PKHD1L1: variants seen among roughly 807,000 people sequenced by gnomAD.
The protein encoded by PKHD1L1 is PKHD1 like 1, also known as fibrocystin-L.
Under a neutral mutation model 462.9 loss-of-function variants are expected in PKHD1L1, and 434 were observed. The observed-to-expected ratio is 0.94, with a 90% confidence interval of 0.87 to 1.02. PKHD1L1 has a LOEUF of 1.02. Ranked by LOEUF, PKHD1L1 falls within the 50% of genes least tolerant of loss-of-function variation. PKHD1L1 has a pLI of 0.00. For synonymous variants in PKHD1L1, 1,781 were observed against 1,750.0 expected, an observed-to-expected ratio of 1.02 and a Z score of -0.44; for missense variants, 5,202 against 5,096.1, an observed-to-expected ratio of 1.02 and a Z score of -0.63.
At chr8:109,497,678 G>A (rs946240947) in intron 65 of PKHD1L1, among the ~76,000 whole-genome samples, 2 of 151,970 alleles carry the variant, frequency 1.3e-5, no homozygotes, top group Non-Finnish European at 2.9e-5. Flanking sequence ...CGCCCACATC[G>A]GCCTCACAAA....
chr8:109,465,346 T>C, intron 49 of PKHD1L1, 101 bp downstream of exon 49: 1 of 1,222,890 alleles, frequency 8.2e-7, no homozygotes, highest in Non-Finnish European at 1.1e-6. Flanking sequence ...TTACAGATCT[T>C]ACCCAATAGC....
At chr8:109,430,229 A>G (rs987346210) in intron 27 of PKHD1L1, among the ~76,000 whole-genome samples, 192 bp downstream of exon 27, 1 of 151,378 alleles carries the variant, frequency 6.6e-6, no homozygotes, top group African/African-American at 2.4e-5. Flanking sequence ...TTTATTTTTG[A>G]AAAAAAAATA....
chr8:109,450,896 A>G, intron 40 of PKHD1L1, 79 bp from the exon 41 acceptor site: 1 of 1,340,282 alleles, frequency 7.5e-7, no homozygotes, highest in Non-Finnish European at 1.0e-6. Flanking sequence ...GGAAGATGTT[A>G]TTGAAAATGT....
chr8:109,445,353 C>A lies in PKHD1L1; in HGVS notation c.5484C>A (p.Val1828=). Residue 1828 remains valine, a synonymous_variant, in exon 38 of 78, where the codon GTC becomes GTA. Coordinates refer to ENST00000378402, the MANE Select transcript of PKHD1L1 (RefSeq NM_177531.6). ...SKGLALGNLT[V]SSPPVASLSP... The stretch of plus-strand genomic sequence containing the variant: ...GCTTGGCTCTGGGAAACCTGACTGT[C>A]AGCAGCCCCCCAGTAGCATCTCTAT... 6.2e-7 allele frequency: 1 copy of A among 1,613,960 alleles called. No individual in the cohort carries two copies. The highest frequency in any genetic ancestry group is 1.3e-5 in the African/African-American group (1 of 75,042).
At position 109,442,215 on chromosome 8, in the gene PKHD1L1, G is replaced by A. The variant is rs2130743769; in HGVS notation, c.4393+20G>A. 1 of 1,580,418 alleles carries A rather than the reference G, an allele frequency of 6.3e-7. No homozygotes were observed. The highest frequency in any genetic ancestry group is 8.6e-7 in the Non-Finnish European group (1 of 1,164,534). On this transcript the variant is annotated intron_variant, in intron 35 of 77. Coordinates refer to ENST00000378402, the MANE Select transcript of PKHD1L1 (RefSeq NM_177531.6). ...CATCAGGTATGTTTCTGCTTATTGG[G>A]TTTTGCATCATGTCACTTTTTCCTA...
intron 56 of PKHD1L1, among the ~76,000 whole-genome samples, chr8:109,482,505 A>G (rs771632612): frequency 5.9e-5 from 9 of 151,892 alleles, no homozygotes; most frequent in Admixed American, 1.3e-4. Context: ...TATTACATAT[A>G]CTGATTTGTG....
intron 2 of PKHD1L1, among the ~76,000 whole-genome samples, chr8:109,379,200 A>G (rs1294187995): frequency 6.6e-6 from 1 of 152,172 alleles, no homozygotes; most frequent in African/African-American, 2.4e-5. Context: ...CTTCTCAGTG[A>G]CAAGTTGATT....
In PKHD1L1 at chr8:109,459,662, C is replaced by T. The variant is rs758399479; in HGVS notation, c.7072C>T (p.Leu2358=). 6.2e-7 allele frequency: 1 copy of T among 1,607,426 alleles called. No individual in the cohort carries two copies. Among genetic ancestry groups the T allele is most frequent in the South Asian group, 1.1e-5 (1 of 89,782 alleles). ...GTCTGCTGATGGCATAAACATAACA[C>T]TAAGTAACCCACTAAATTACACACA... ...SVSADGINIT[L]SNPLNYTHLG... The change falls in exon 47 of 78, where the codon CTA becomes TTA. Residue 2358 remains leucine (L), a synonymous_variant. Transcript: ENST00000378402.
In PKHD1L1 at chr8:109,380,109, T is replaced by C. The variant is rs576769119; in HGVS notation, c.164-1261T>C. Among the ~76,000 whole-genome samples, 3 of 152,300 alleles carry C rather than the reference T, an allele frequency of 2.0e-5. No individual in the cohort carries two copies. In the East Asian group the frequency reaches 5.8e-4, roughly 29 times the overall value. On this transcript the variant is annotated intron_variant, in intron 2 of 77. Coordinates refer to ENST00000378402, the MANE Select transcript of PKHD1L1 (RefSeq NM_177531.6). ...TACAATGGCTGATAGCAAGGGGGCATGGTGAAAATTAATTATAGTTTTAGG... is the reference window on the plus strand; with the variant it reads ...TACAATGGCTGATAGCAAGGGGGCACGGTGAAAATTAATTATAGTTTTAGG...
chr8:109,386,688 A>G (rs1442653205), intron 6 of PKHD1L1, among the ~76,000 whole-genome samples: 2 of 152,190 alleles, frequency 1.3e-5, no homozygotes, highest in African/African-American at 4.8e-5. Flanking sequence ...ATATGTACAG[A>G]TTAGTAGAAG....
intron 18 of PKHD1L1, among the ~76,000 whole-genome samples, chr8:109,409,174 G>A (rs965800317): frequency 1.5e-4 from 23 of 152,056 alleles, no homozygotes; most frequent in Non-Finnish European, 2.9e-4. Flanking sequence ...TTGTGAATAT[G>A]TACTAATTTC....
Position 109,400,923 on chromosome 8 carries a change from C to T in PKHD1L1, c.1282-574C>T, listed in dbSNP as rs114459304. Among the ~76,000 whole-genome samples the T allele has an allele frequency of 3.7e-3, 560 of 152,024 alleles. 7 individuals carry two copies. The highest frequency in any genetic ancestry group is 0.013 in the African/African-American group (533 of 41,538). On this transcript the variant is annotated intron_variant, in intron 13 of 77. Coordinates refer to ENST00000378402, the MANE Select transcript of PKHD1L1 (RefSeq NM_177531.6). ...CAAATCAAAGTAACATTTTATGACT[C>T]AACTTATGTGGCAAGATTGCTTCCC...
chr8:109,439,162 G>T (rs1446305543), intron 32 of PKHD1L1, 70 bp downstream of exon 32: 6 of 1,381,626 alleles, frequency 4.3e-6, no homozygotes, highest in South Asian at 1.3e-5. Flanking sequence ...GATAGGAAAA[G>T]AAGTGGGCAT....
Position 109,454,227 on chromosome 8 carries a change from C to T in PKHD1L1, c.6725C>T (p.Thr2242Ile). The change falls in exon 44 of 78, where the codon ACA becomes ATA. Residue 2242 changes from threonine to isoleucine, a missense_variant. Thr to Ile is a moderately conservative substitution (Grantham distance 89). This residue lies in a region of PKHD1L1 where 4,497 missense variants were observed against 4,336.8 expected (regional missense o/e 1.04). Transcript: ENST00000378402. ...CTCCAGGCAGAAAATATTCTAATTA[C>T]AGATGGAGGTGTTCTTCAGGTATTC... is the stretch of plus-strand genomic sequence containing the variant. Reference protein sequence around the residue: ...IELQAENILITDGGVLQIGTE... With the variant: ...IELQAENILIIDGGVLQIGTE... The T allele has an allele frequency of 1.2e-6, 2 of 1,605,798 alleles. No individual in the cohort carries two copies. The highest frequency in any genetic ancestry group is 2.2e-5 in the East Asian group (1 of 44,588).
In PKHD1L1 at chr8:109,362,607, T is replaced by C. The variant is rs762778449; in HGVS notation, c.27T>C (p.Ile9=). 14 of 1,609,840 alleles carry C rather than the reference T, an allele frequency of 8.7e-6. No individual in the cohort carries two copies. The Admixed American group carries it at 2.2e-4, about 25-fold the overall frequency. ...TGGGACACCTGTGGCTCCTGGGTAT[T>C]TGGGGCCTCTGTGGGCTGCTCCTGT... is the stretch of plus-strand genomic sequence containing the variant. MGHLWLLG[I]WGLCGLLLCA... Residue 9 remains isoleucine (I), a synonymous_variant, in exon 1 of 78, where the codon ATT becomes ATC. Coordinates refer to ENST00000378402, the MANE Select transcript of PKHD1L1 (RefSeq NM_177531.6).
intron 57 of PKHD1L1, 129 bp downstream of exon 57, chr8:109,483,234 A>G (rs868573269): frequency 1.4e-5 from 9 of 641,788 alleles, no homozygotes; most frequent in Middle Eastern, 2.7e-4. Flanking sequence ...GTATTTTGCA[A>G]TAAGCTTGCA....
rs927514897 is a variant in PKHD1L1, at chr8:109,524,130, A to C, written c.12484+744A>C. ...TGATAGAATGTAGAGTATCTAAAAG[A>C]ATGAAATGGATAAACCGCTTACGTT... is the stretch of plus-strand genomic sequence containing the variant. On this transcript the variant is annotated intron_variant, in intron 76 of 77. Coordinates refer to ENST00000378402, the MANE Select transcript of PKHD1L1 (RefSeq NM_177531.6). 2.0e-5 allele frequency among the ~76,000 whole-genome samples: 3 copies of C among 152,324 alleles called. No homozygotes were observed. In the East Asian group the frequency reaches 5.8e-4, roughly 29 times the overall value.
chr8:109,459,007 G>C (rs1816968014), intron 46 of PKHD1L1, among the ~76,000 whole-genome samples: 5 of 152,102 alleles, frequency 3.3e-5, no homozygotes. Context: ...TGGAGGAATG[G>C]TAAAAACGAG....
chr8:109,460,564 T>A (rs1817066336), intron 47 of PKHD1L1, among the ~76,000 whole-genome samples: 1 of 152,142 alleles, frequency 6.6e-6, no homozygotes, highest in Non-Finnish European at 1.5e-5. Flanking sequence ...TCACAAGATG[T>A]TTGACAGCAC....
Sources: gnomAD v4.1 joint callset for allele counts (sites outside exome capture counted in the v4.1 genomes callset) on GRCh38, gnomAD v4.1.1 for gene constraint, gnomAD v4.1.1 regional missense constraint, MANE v1.5 for transcripts, NCBI Gene and HGNC (gene_info 2026-07-23, HGNC 2026-07-21) for gene names.